AKR1E2: variants seen among roughly 807,000 people sequenced by gnomAD.
The protein encoded by AKR1E2 is 1,5-anhydro-D-fructose reductase.
A neutral mutation model predicts 41.9 loss-of-function variants in AKR1E2; 43 were observed. That is an observed-to-expected ratio of 1.03 (90% CI 0.80 to 1.32). AKR1E2 has a LOEUF of 1.32. Ranked by LOEUF, AKR1E2 falls within the 40% of genes most tolerant of loss-of-function variation. The pLI is 0.00. For synonymous variants in AKR1E2, 121 were observed against 138.9 expected (o/e 0.87, Z 0.91); for missense variants, 423 against 396.5 (o/e 1.07, Z -0.57).
At chr10:4,833,863 T>A (rs993690054) in intron 3 of AKR1E2, among the ~76,000 whole-genome samples, 2 of 152,228 alleles carry the variant, frequency 1.3e-5, no homozygotes, top group Non-Finnish European at 2.9e-5. Flanking sequence ...GAGTAAATGC[T>A]GTTTTGCAAT....
intron 5 of AKR1E2, among the ~76,000 whole-genome samples, chr10:4,837,948 T>A (rs906422107): frequency 2.6e-5 from 4 of 151,964 alleles, no homozygotes; most frequent in African/African-American, 9.7e-5. Context: ...CAAGAAAGAG[T>A]GGATGACTAG....
the AKR1E2 span, among the ~76,000 whole-genome samples, chr10:4,862,019 G>A: frequency 3.9e-5 from 6 of 152,268 alleles, no homozygotes; most frequent in Non-Finnish European, 7.4e-5. Flanking sequence ...CCTATGTCCT[G>A]AATGGTATTG....
chr10:4,852,261 C>T (rs943684849), downstream of AKR1E2, among the ~76,000 whole-genome samples: 4 of 152,058 alleles, frequency 2.6e-5, no homozygotes, highest in Admixed American at 6.5e-5. Flanking sequence ...GAAGGAGATA[C>T]GGAAACAGCA....
intron 1 of AKR1E2, among the ~76,000 whole-genome samples, chr10:4,829,005 T>A (rs547590451): frequency 1.8e-4 from 28 of 152,210 alleles, no homozygotes; most frequent in African/African-American, 6.3e-4. Context: ...AATGGTAGTT[T>A]ACTTTCCTTT....
At chr10:4,830,628 G>C in intron 1 of AKR1E2, 47 bp from the exon 2 acceptor site, 1 of 1,604,110 alleles carries the variant, frequency 6.2e-7, no homozygotes, top group Non-Finnish European at 8.5e-7. Context: ...GATTTGTGTT[G>C]GATTCCTCTG....
intron 1 of AKR1E2, among the ~76,000 whole-genome samples, chr10:4,827,141 G>A (rs1832601434): frequency 1.3e-5 from 2 of 151,622 alleles, no homozygotes; most frequent in Admixed American, 6.6e-5. Context: ...AAGAAACTTT[G>A]GGATCTCATG....
chr10:4,834,566 T>C (rs571117461), intron 3 of AKR1E2, among the ~76,000 whole-genome samples: 1 of 152,328 alleles, frequency 6.6e-6, no homozygotes, highest in Admixed American at 6.5e-5. Context: ...TTTACACATA[T>C]TAACTCATTT....
At chr10:4,846,717 T>A (rs189654826) in intron 8 of AKR1E2, among the ~76,000 whole-genome samples, 37 of 152,288 alleles carry the variant, frequency 2.4e-4, no homozygotes, top group Admixed American at 1.8e-3. Flanking sequence ...GGCTAATTTT[T>A]AAATTTTTAG....
At chr10:4,871,011 G>T in the AKR1E2 span, among the ~76,000 whole-genome samples, 2 of 151,972 alleles carry the variant, frequency 1.3e-5, no homozygotes, top group Admixed American at 1.3e-4. Context: ...CCTCTTGGAT[G>T]ATTTATATTG....
At chr10:4,843,292 A>G (rs1400004314) in intron 8 of AKR1E2, among the ~76,000 whole-genome samples, 1 of 152,090 alleles carries the variant, frequency 6.6e-6, no homozygotes, top group East Asian at 1.9e-4. Flanking sequence ...AGGATCACTG[A>G]GGGTGAAATG....
chr10:4,853,688 T>C, the AKR1E2 span, among the ~76,000 whole-genome samples: 1 of 150,950 alleles, frequency 6.6e-6, no homozygotes, highest in African/African-American at 2.4e-5. Flanking sequence ...GTCAGAGGCA[T>C]TTAAATCAGA....
At chr10:4,827,938 A>G (rs1832674969) in intron 1 of AKR1E2, among the ~76,000 whole-genome samples, 1 of 152,078 alleles carries the variant, frequency 6.6e-6, no homozygotes, top group Non-Finnish European at 1.5e-5. Flanking sequence ...ATTAGTGAAA[A>G]CTGTGCTTAA....
chr10:4,864,318 A>G, the AKR1E2 span, among the ~76,000 whole-genome samples: 1 of 152,232 alleles, frequency 6.6e-6, no homozygotes, highest in Non-Finnish European at 1.5e-5. Flanking sequence ...ATGCAAATCA[A>G]TAAACGTAAT....
the AKR1E2 span, among the ~76,000 whole-genome samples, chr10:4,853,277 CT>C: frequency 6.6e-6 from 1 of 152,092 alleles, no homozygotes; most frequent in African/African-American, 2.4e-5. Flanking sequence ...ATCAAAATGT[CT>C]TGGCTAAACT....
chr10:4,825,056 A>G (rs1588418121), upstream of AKR1E2: 1 of 454,388 alleles, frequency 2.2e-6, no homozygotes, highest in African/African-American at 2.0e-5. Flanking sequence ...CTCCAGGCAC[A>G]GTTTCTGAAT....
At chr10:4,837,370 T>C in intron 4 of AKR1E2, 89 bp from the exon 5 acceptor site, 1 of 1,484,120 alleles carries the variant, frequency 6.7e-7, no homozygotes, top group South Asian at 1.4e-5. Context: ...TCCAACCAGT[T>C]TTAGAATACC....
At chr10:4,873,150 C>G in the AKR1E2 span, among the ~76,000 whole-genome samples, 2 of 152,090 alleles carry the variant, frequency 1.3e-5, no homozygotes, top group African/African-American at 4.8e-5. Context: ...CTGCGCTGTT[C>G]TTGTGATAGT....
intron 6 of AKR1E2, among the ~76,000 whole-genome samples, chr10:4,840,446 C>T (rs1440335000): frequency 6.6e-6 from 1 of 152,246 alleles, no homozygotes; most frequent in Non-Finnish European, 1.5e-5. Flanking sequence ...AGCTCCCTCC[C>T]TGGCCCACTC....
chr10:4,826,608 A>C (rs1260748204), intron 1 of AKR1E2, among the ~76,000 whole-genome samples: 1 of 152,068 alleles, frequency 6.6e-6, no homozygotes, highest in Admixed American at 6.5e-5. Context: ...GAACCTCGGC[A>C]GCCAAGCCTC....
Sources: gnomAD v4.1 joint callset for allele counts (sites outside exome capture counted in the v4.1 genomes callset) on GRCh38, gnomAD v4.1.1 for gene constraint, MANE v1.5 for transcripts, NCBI Gene and HGNC (gene_info 2026-07-23, HGNC 2026-07-21) for gene names.